ACSF3: variants seen among roughly 807,000 people sequenced by gnomAD.
ACSF3 encodes the protein malonate--CoA ligase ACSF3, mitochondrial.
ACSF3 carries 78 observed loss-of-function variants against 53.2 expected under a neutral mutation model. The ratio of observed to expected loss-of-function variants is 1.47; its 90% confidence interval spans 1.22 to 1.77. The LOEUF is 1.77. ACSF3 is among the 40% of genes most tolerant of loss of function. ACSF3 has a pLI of 0.00. For missense variants in ACSF3, 937 were observed against 771.1 expected (o/e 1.22, Z -2.55); for synonymous variants, 414 against 333.1 (o/e 1.24, Z -2.65).
At chr16:89,144,183 G>A (rs568384079) in intron 8 of ACSF3, among the ~76,000 whole-genome samples, 5 of 152,372 alleles carry the variant, frequency 3.3e-5, no homozygotes, top group South Asian at 2.1e-4. Flanking sequence ...GCTGCAGCCC[G>A]CTCTTCCCGA....
chr16:89,131,982 C>G (rs1886236496), intron 7 of ACSF3, among the ~76,000 whole-genome samples: 1 of 150,592 alleles, frequency 6.6e-6, no homozygotes, highest in Non-Finnish European at 1.5e-5. Flanking sequence ...GCAGCCCCGT[C>G]ATCATGTGGG....
At position 89,154,408 on chromosome 16, in the gene ACSF3, C is replaced by G. The variant is rs199740112; in HGVS notation, c.*201C>G. Reference sequence around the variant, plus strand: ...GCCAGTTGTTGCAGCTCAAGGAGACCGTCCCTGGTGTCACCTCTGCCTGGT... The same window carrying G: ...GCCAGTTGTTGCAGCTCAAGGAGACGGTCCCTGGTGTCACCTCTGCCTGGT... On this transcript the variant is annotated 3_prime_UTR_variant, in exon 11 of 11. Transcript: ENST00000614302. The G allele has an allele frequency of 2.6e-4, 180 of 681,362 alleles. No individual in the cohort carries two copies. In the East Asian group the frequency reaches 3.2e-3, roughly 12 times the overall value. 42.2% of individuals were successfully genotyped at this position (681,362 alleles called of 1,614,324 possible). A position where few individuals can be genotyped will look rare whatever the true frequency, so the allele number is the denominator to read the frequency against.
chr16:89,141,393 A>G, intron 8 of ACSF3: 2 of 1,090,804 alleles, frequency 1.8e-6, no homozygotes, highest in Non-Finnish European at 2.4e-6. Flanking sequence ...GGGCAAGCTC[A>G]GGGCTGGGAG....
chr16:89,140,954 G>A (rs1332225655), intron 8 of ACSF3: 26 of 732,418 alleles, frequency 3.5e-5, no homozygotes, highest in Non-Finnish European at 5.0e-5. Context: ...ATCAGGCCGA[G>A]GACATACACA....
chr16:89,119,433 T>C (rs1467798950), intron 6 of ACSF3, among the ~76,000 whole-genome samples: 1 of 151,878 alleles, frequency 6.6e-6, no homozygotes, highest in Non-Finnish European at 1.5e-5. Flanking sequence ...GGTGTGGCGG[T>C]CGTGGGCTGT....
At chr16:89,114,068 G>A (rs1285348357) in intron 5 of ACSF3, 1 of 510,764 alleles carries the variant, frequency 2.0e-6, no homozygotes, top group Non-Finnish European at 3.6e-6. Context: ...TAAGCACATT[G>A]TTTACCCTCA....
Position 89,100,667 on chromosome 16 carries a change from C to CCCCAGGGGGCTCCCGGGAG in ACSF3, c.-14_-13insCCAGGGGGCTCCCGGGAGC. 6.3e-7 allele frequency: 1 copy of CCCCAGGGGGCTCCCGGGAG among 1,588,690 alleles called. No individual in the cohort carries two copies. Among genetic ancestry groups the CCCCAGGGGGCTCCCGGGAG allele is most frequent in the Non-Finnish European group, 8.5e-7 (1 of 1,174,576 alleles). On this transcript the variant is annotated 5_prime_UTR_variant, in exon 3 of 11. Coordinates refer to ENST00000614302, the MANE Select transcript of ACSF3 (RefSeq NM_001243279.3). ...TGTGCCTTGCCTTTCTCCAGCTCGG[C>CCCCAGGGGGCTCCCGGGAG]CGCCTGTCAGTGCAATGCTGCCCCA...
intron 4 of ACSF3, among the ~76,000 whole-genome samples, chr16:89,105,104 C>T (rs1043454709): frequency 7.3e-5 from 11 of 151,582 alleles, no homozygotes; most frequent in Admixed American, 1.3e-4. Flanking sequence ...GGGTCACCCC[C>T]TGAAGAGCCT....
At chr16:89,111,109 A>G (rs777181616) in intron 4 of ACSF3, among the ~76,000 whole-genome samples, 2 of 152,122 alleles carry the variant, frequency 1.3e-5, no homozygotes, top group Non-Finnish European at 2.9e-5. Flanking sequence ...AAATTCCTTA[A>G]TCTGCTTATT....
intron 7 of ACSF3, among the ~76,000 whole-genome samples, chr16:89,126,425 C>T (rs1172298300): frequency 6.6e-6 from 1 of 152,184 alleles, no homozygotes; most frequent in Non-Finnish European, 1.5e-5. Context: ...TGTGCCACCA[C>T]ACCTGGCTGA....
In ACSF3 at chr16:89,100,534, G is replaced by A. The variant is rs531899906; in HGVS notation, c.-20-128G>A. The A allele has an allele frequency of 4.2e-6, 4 of 950,300 alleles. No individual in the cohort carries two copies. The East Asian group carries it at 7.7e-5, about 18-fold the overall frequency. 58.9% of individuals were successfully genotyped at this position (950,300 alleles called of 1,614,324 possible). ...AGGCTGGACGTGGCCTGTCTGGTGC[G>A]CTGCCTCATGACTGAAGGTGCAGCA... On this transcript the variant is annotated intron_variant, in intron 2 of 10. Transcript: ENST00000614302.
At chr16:89,149,571 G>C (rs1172586213) in intron 10 of ACSF3, 1 of 152,366 alleles carries the variant, frequency 6.6e-6, no homozygotes, top group Middle Eastern at 3.4e-3. Flanking sequence ...CCAAGTTCTT[G>C]TCCCGCGTCC....
chr16:89,095,478 C>T (rs1024768679), intron 1 of ACSF3, among the ~76,000 whole-genome samples: 3 of 152,060 alleles, frequency 2.0e-5, no homozygotes, highest in Admixed American at 1.3e-4. Context: ...CCCTCCAAAC[C>T]ACAGGTGTGA....
chr16:89,111,036 T>A (rs1976615791), intron 4 of ACSF3, among the ~76,000 whole-genome samples: 1 of 152,252 alleles, frequency 6.6e-6, no homozygotes, highest in Non-Finnish European at 1.5e-5. Flanking sequence ...GTTTTATGAT[T>A]TTTTGCAGTT....
At chr16:89,121,731 G>A (rs1188218349) in intron 7 of ACSF3, among the ~76,000 whole-genome samples, 1 of 152,160 alleles carries the variant, frequency 6.6e-6, no homozygotes, top group Non-Finnish European at 1.5e-5. Context: ...TGGCCCTCAC[G>A]GGCACAACTG....
rs1337718639 is a variant in ACSF3, at chr16:89,098,642, G to A, written c.-142G>A. On this transcript the variant is annotated 5_prime_UTR_variant, in exon 2 of 11. Coordinates refer to ENST00000614302, the MANE Select transcript of ACSF3 (RefSeq NM_001243279.3). ...GCGCCAGGCCTGGTGCCTGCCCCAG[G>A]AGGATGAGCATTTGCATTGCCTGCA... 1.8e-5 allele frequency: 8 copies of A among 453,996 alleles called. No homozygotes were observed. Among genetic ancestry groups the A allele is most frequent in the African/African-American group, 1.4e-4 (7 of 50,006 alleles). 28.1% of individuals were successfully genotyped at this position (453,996 alleles called of 1,614,324 possible). A position where few individuals can be genotyped will look rare whatever the true frequency, so the allele number is the denominator to read the frequency against.
chr16:89,142,991 C>T (rs890762053), intron 8 of ACSF3, among the ~76,000 whole-genome samples: 2 of 152,042 alleles, frequency 1.3e-5, no homozygotes, highest in Admixed American at 6.5e-5. Flanking sequence ...CCGACGTTGG[C>T]GTGACTCACC....
At chr16:89,098,560 C>A (rs1318781558) in intron 1 of ACSF3, 31 bp from the exon 2 acceptor site, 5 of 439,280 alleles carry the variant, frequency 1.1e-5, no homozygotes, top group Non-Finnish European at 2.3e-5. Context: ...TACACACAGC[C>A]TGGGACCTCA....
intron 3 of ACSF3, chr16:89,102,323 T>G: frequency 4.1e-6 from 2 of 483,376 alleles, no homozygotes; most frequent in Non-Finnish European, 7.6e-6. Flanking sequence ...GTCGACCTGG[T>G]GTCTGCAGAG....
Sources: allele counts gnomAD v4.1 joint callset (sites outside exome capture counted in the v4.1 genomes callset), GRCh38; gene constraint gnomAD v4.1.1; transcripts MANE v1.5; gene names NCBI Gene and HGNC (gene_info 2026-07-23, HGNC 2026-07-21).